The following PLPPR4 variants were observed in gnomAD, a reference collection of about 807,000 sequenced individuals.
PLPPR4 encodes the protein phospholipid phosphatase related 4.
Under a neutral mutation model 56.6 loss-of-function variants are expected in PLPPR4, and 24 were observed. That is an observed-to-expected ratio of 0.42 (90% CI 0.31 to 0.60). The LOEUF (loss-of-function observed/expected upper bound fraction) is 0.60, where lower values mean the gene tolerates loss of function less well. Among genes scored for constraint, PLPPR4 ranks in the 20% least tolerant of loss-of-function variants. The probability of loss-of-function intolerance (pLI) is 0.13; values close to 1 mark genes in which losing one functional copy is unlikely to be tolerated. For missense variants in PLPPR4, 654 were observed against 885.8 expected (o/e 0.74, Z 3.32); for synonymous variants, 326 against 328.1 (o/e 0.99, Z 0.07).
chr1:99,288,245 A>C (rs1659522298), intron 2 of PLPPR4, 95 bp downstream of exon 2: 1 of 1,067,984 alleles, frequency 9.4e-7, no homozygotes, highest in Non-Finnish European at 1.4e-6. Flanking sequence ...ACAAAACGTG[A>C]ACTCTAAATC....
chr1:99,301,908 T>C lies in PLPPR4; in HGVS notation c.822+11T>C. On this transcript the variant is annotated intron_variant, in intron 6 of 6. Coordinates refer to ENST00000370185, the MANE Select transcript of PLPPR4 (RefSeq NM_014839.5). ...ATTGCACTGTACTTGGTAAATAAGTTACTATTATCTTATAAGCCAAAGTTT... is the reference window on the plus strand; with the variant it reads ...ATTGCACTGTACTTGGTAAATAAGTCACTATTATCTTATAAGCCAAAGTTT... The C allele has an allele frequency of 6.4e-7, 1 of 1,568,596 alleles. No individual in the cohort carries two copies. Among genetic ancestry groups the C allele is most frequent in the Non-Finnish European group, 8.7e-7 (1 of 1,152,628 alleles).
Position 99,290,125 on chromosome 1 carries a change from A to C in PLPPR4, c.264+1975A>C, listed in dbSNP as rs937122662. 2.6e-5 allele frequency among the ~76,000 whole-genome samples: 4 copies of C among 152,274 alleles called. No homozygotes were observed. The East Asian group carries it at 5.8e-4, about 22-fold the overall frequency. Reference sequence around the variant, plus strand: ...GATACAAAACTATTGTGCAAAAATCACTAGCAATCCTATACCCCAACAACA... The same window carrying C: ...GATACAAAACTATTGTGCAAAAATCCCTAGCAATCCTATACCCCAACAACA... On this transcript the variant is annotated intron_variant, in intron 2 of 6. Transcript: ENST00000370185.
Position 99,306,734 on chromosome 1 carries a change from C to T in PLPPR4, c.1872C>T (p.Ser624=), listed in dbSNP as rs1345609977. 1.2e-6 allele frequency: 2 copies of T among 1,613,912 alleles called. No individual in the cohort carries two copies. Among genetic ancestry groups the T allele is most frequent in the Non-Finnish European group, 1.7e-6 (2 of 1,179,998 alleles). The change falls in exon 7 of 7, where the codon AGC becomes AGT. Residue 624 remains serine (S), a synonymous_variant. Transcript: ENST00000370185. The surrounding 1 kb of genome is among the most constrained non-coding windows in gnomAD (Gnocchi z 4.0). ...ELNDLNRDSE[S]CESLKDSFGS... ...ACGATCTCAACAGGGACTCAGAAAG[C>T]TGTGAGTCTCTGAAAGACAGCTTTG...
chr1:99,277,006 G>T (rs1315832249), intron 1 of PLPPR4, among the ~76,000 whole-genome samples: 1 of 152,090 alleles, frequency 6.6e-6, no homozygotes, highest in South Asian at 2.1e-4. Flanking sequence ...TAAAGCTTTG[G>T]CTAACTTTCT....
At chr1:99,265,867 T>C (rs1658880454) in intron 1 of PLPPR4, among the ~76,000 whole-genome samples, 1 of 152,180 alleles carries the variant, frequency 6.6e-6, no homozygotes, top group Admixed American at 6.5e-5. Flanking sequence ...TTTGTAGAAG[T>C]GTCATAGATT....
At chr1:99,276,314 T>G (rs574349396) in intron 1 of PLPPR4, among the ~76,000 whole-genome samples, 1 of 152,206 alleles carries the variant, frequency 6.6e-6, no homozygotes, top group African/African-American at 2.4e-5. Flanking sequence ...TTCTGGATAA[T>G]TAATAGGTCA....
intron 6 of PLPPR4, 64 bp from the exon 7 acceptor site, chr1:99,305,620 CT>C: frequency 1.3e-6 from 2 of 1,527,166 alleles, no homozygotes; most frequent in Non-Finnish European, 1.8e-6. Flanking sequence ...TCAGTGGGTA[CT>C]CTAAGGAAAC....
intron 1 of PLPPR4, among the ~76,000 whole-genome samples, chr1:99,273,978 G>T (rs536794203): frequency 6.6e-6 from 1 of 151,876 alleles, no homozygotes; most frequent in Non-Finnish European, 1.5e-5. Context: ...TTGTACTTAC[G>T]TTCATTTTAT....
At chr1:99,266,488 T>A (rs533645002) in intron 1 of PLPPR4, among the ~76,000 whole-genome samples, 2 of 152,242 alleles carry the variant, frequency 1.3e-5, no homozygotes, top group African/African-American at 4.8e-5. Context: ...ATTTTAAAAG[T>A]ACAAGTGCCT....
chr1:99,284,237 C>T (rs981063494), intron 1 of PLPPR4, among the ~76,000 whole-genome samples: 1 of 152,090 alleles, frequency 6.6e-6, no homozygotes, highest in African/African-American at 2.4e-5. Context: ...AAAAAGGTAA[C>T]TCTGAAGACA....
chr1:99,265,148 C>A (rs1044696362), intron 1 of PLPPR4, among the ~76,000 whole-genome samples: 1 of 107,090 alleles, frequency 9.3e-6, no homozygotes, highest in South Asian at 3.0e-4. Flanking sequence ...GCTCCTGCCC[C>A]CCCCCCCCAA....
intron 2 of PLPPR4, among the ~76,000 whole-genome samples, chr1:99,288,843 T>C (rs1659541307): frequency 6.6e-6 from 1 of 152,156 alleles, no homozygotes; most frequent in African/African-American, 2.4e-5. Context: ...GATCTTTACA[T>C]GTTATATGAA....
intron 5 of PLPPR4, among the ~76,000 whole-genome samples, chr1:99,301,377 G>T (rs1215432678): frequency 6.6e-6 from 1 of 151,852 alleles, no homozygotes; most frequent in Non-Finnish European, 1.5e-5. Context: ...ATTTAGAAAT[G>T]TTGTACAATG....
At position 99,305,986 on chromosome 1, in the gene PLPPR4, C is replaced by T; in HGVS notation, c.1124C>T (p.Pro375Leu). The T allele has an allele frequency of 3.1e-6, 5 of 1,614,186 alleles. No individual in the cohort carries two copies. Among genetic ancestry groups the T allele is most frequent in the Non-Finnish European group, 4.2e-6 (5 of 1,180,022 alleles). The stretch of plus-strand genomic sequence containing the variant: ...AATACCTTGCCGCGAGCCAATACCC[C>T]ATCTGTAGAAGACCCTGTCAGAAGA... ...FSNTLPRANT[P>L]SVEDPVRRNA... Residue 375 changes from proline to leucine, a missense_variant, in exon 7 of 7, where the codon CCA becomes CTA. Coordinates refer to ENST00000370185, the MANE Select transcript of PLPPR4 (RefSeq NM_014839.5).
chr1:99,265,568 G>A (rs901985176), intron 1 of PLPPR4, among the ~76,000 whole-genome samples: 1 of 152,176 alleles, frequency 6.6e-6, no homozygotes, highest in Non-Finnish European at 1.5e-5. Context: ...CTGAAGGGTT[G>A]TATTGCATAG....
chr1:99,294,870 T>C (rs1451911226), intron 2 of PLPPR4, among the ~76,000 whole-genome samples: 2 of 152,120 alleles, frequency 1.3e-5, no homozygotes, highest in Non-Finnish European at 2.9e-5. Context: ...GAAAAAAAAT[T>C]ATTCACAGAA....
intron 3 of PLPPR4, chr1:99,298,815 A>C: frequency 1.6e-6 from 1 of 631,432 alleles, no homozygotes; most frequent in Non-Finnish European, 2.8e-6. Flanking sequence ...AAATTAACAA[A>C]AGTGCCTAAA....
intron 3 of PLPPR4, among the ~76,000 whole-genome samples, chr1:99,298,109 G>GTAAA (rs2100806643): frequency 1.3e-5 from 2 of 152,278 alleles, no homozygotes; most frequent in South Asian, 4.2e-4. Flanking sequence ...GAAGAAAAAT[G>GTAAA]TAAAACAGGG....
chr1:99,303,571 G>T (rs1171928319), intron 6 of PLPPR4, among the ~76,000 whole-genome samples: 1 of 152,164 alleles, frequency 6.6e-6, no homozygotes. Context: ...AAGAAACTGA[G>T]AAGAGCTGAC....
Sources: allele counts gnomAD v4.1 joint callset (sites outside exome capture counted in the v4.1 genomes callset), GRCh38; gene constraint gnomAD v4.1.1; non-coding constraint Gnocchi (gnomAD v3.1); transcripts MANE v1.5; gene names NCBI Gene and HGNC (gene_info 2026-07-23, HGNC 2026-07-21).